NEGR1: variants seen among roughly 807,000 people sequenced by gnomAD.
NEGR1 encodes the protein IgLON family member 4.
NEGR1 carries 10 observed loss-of-function variants against 40.9 expected under a neutral mutation model. That is an observed-to-expected ratio of 0.24 (90% confidence interval 0.15 to 0.42). The LOEUF is 0.42. Among genes scored for constraint, NEGR1 ranks in the 10% least tolerant of loss-of-function variants. The pLI is 1.00. For missense variants in NEGR1, 352 were observed against 438.9 expected, an observed-to-expected ratio of 0.80 and a Z score of 1.77; for synonymous variants, 185 against 166.8, an observed-to-expected ratio of 1.11 and a Z score of -0.84.
intron 4 of NEGR1, among the ~76,000 whole-genome samples, chr1:71,689,809 A>C (rs1406972384): frequency 6.6e-6 from 1 of 150,928 alleles, no homozygotes; most frequent in Non-Finnish European, 1.5e-5. Context: ...AAATAAATTT[A>C]ATATAATAAA....
chr1:72,197,339 A>T (rs1570109505), intron 1 of NEGR1, among the ~76,000 whole-genome samples: 1 of 152,140 alleles, frequency 6.6e-6, no homozygotes, highest in Non-Finnish European at 1.5e-5. Flanking sequence ...AATGGTTGCA[A>T]ATATAGGTTT....
intron 6 of NEGR1, chr1:71,463,517 A>C (rs926255163): frequency 6.6e-6 from 1 of 152,110 alleles, no homozygotes; most frequent in African/African-American, 2.4e-5. Context: ...GAGGTTCCTG[A>C]GTCTAGGGGT....
At chr1:72,117,303 T>G (rs948364322) in intron 1 of NEGR1, among the ~76,000 whole-genome samples, 1 of 151,822 alleles carries the variant, frequency 6.6e-6, no homozygotes, top group Admixed American at 6.6e-5. Flanking sequence ...TTTTGTTTGT[T>G]TGTTTGTTTG....
chr1:72,246,201 T>C (rs1476123715), intron 1 of NEGR1, among the ~76,000 whole-genome samples: 1 of 152,120 alleles, frequency 6.6e-6, no homozygotes, highest in Non-Finnish European at 1.5e-5. Flanking sequence ...TTTCCATCAC[T>C]TTCCTGACTA....
chr1:72,249,869 T>G (rs754159032), intron 1 of NEGR1, among the ~76,000 whole-genome samples: 5 of 152,174 alleles, frequency 3.3e-5, no homozygotes, highest in African/African-American at 4.8e-5. Context: ...ATTTTGCACA[T>G]GACTCATTTT....
At chr1:71,929,336 G>A (rs563126119) in intron 2 of NEGR1, among the ~76,000 whole-genome samples, 35 of 152,168 alleles carry the variant, frequency 2.3e-4, no homozygotes, top group African/African-American at 8.2e-4. Context: ...CACATAACGG[G>A]TTATTAAGCC....
At chr1:71,708,052 A>G (rs756285915) in intron 3 of NEGR1, among the ~76,000 whole-genome samples, 7 of 152,170 alleles carry the variant, frequency 4.6e-5, no homozygotes, top group Admixed American at 6.5e-5. Context: ...AGCCCAGACA[A>G]TGAAGGCTAC....
chr1:71,440,256 G>T (rs1034873729), intron 6 of NEGR1, among the ~76,000 whole-genome samples: 3 of 152,142 alleles, frequency 2.0e-5, no homozygotes, highest in African/African-American at 2.4e-5. Context: ...TATGATGTGA[G>T]AAATACTGAA....
intron 1 of NEGR1, among the ~76,000 whole-genome samples, chr1:71,977,663 G>A (rs1419685356): frequency 1.3e-5 from 2 of 151,272 alleles, no homozygotes; most frequent in Non-Finnish European, 2.9e-5. Flanking sequence ...GAACACACCA[G>A]CTTGCATACT....
intron 4 of NEGR1, among the ~76,000 whole-genome samples, chr1:71,663,050 G>A (rs1282929668): frequency 1.3e-5 from 2 of 151,526 alleles, no homozygotes; most frequent in African/African-American, 4.8e-5. Flanking sequence ...TCCGTCTCCC[G>A]GGTTCATACC....
At position 71,628,658 on chromosome 1, in the gene NEGR1, T is replaced by C. The variant is rs566602397; in HGVS notation, c.668-17512A>G. Among the ~76,000 whole-genome samples, 5 of 151,896 alleles carry C rather than the reference T, an allele frequency of 3.3e-5. No individual in the cohort carries two copies. The South Asian group carries it at 6.3e-4, about 19-fold the overall frequency. ...CAACTCCCACTTATGAGTGAGAACATGTGGTGTTAGGTTTTCTGTTCCTGT... is the reference window on the plus strand; with the variant it reads ...CAACTCCCACTTATGAGTGAGAACACGTGGTGTTAGGTTTTCTGTTCCTGT... On this transcript the variant is annotated intron_variant, in intron 4 of 6. Coordinates refer to ENST00000357731, the MANE Select transcript of NEGR1 (RefSeq NM_173808.3).
At chr1:72,009,320 G>A (rs530395817) in intron 1 of NEGR1, among the ~76,000 whole-genome samples, 5 of 151,984 alleles carry the variant, frequency 3.3e-5, no homozygotes, top group East Asian at 3.9e-4. Context: ...TTCCCTCCAC[G>A]CTTCAGGGAC....
intron 1 of NEGR1, among the ~76,000 whole-genome samples, chr1:71,953,227 C>A (rs1054292346): frequency 6.6e-6 from 1 of 151,940 alleles, no homozygotes; most frequent in African/African-American, 2.4e-5. Context: ...CTAAGTTAAA[C>A]CGCCTGGAAA....
chr1:71,792,248 G>A (rs760134942), intron 2 of NEGR1, among the ~76,000 whole-genome samples: 1 of 152,078 alleles, frequency 6.6e-6, no homozygotes, highest in Non-Finnish European at 1.5e-5. Flanking sequence ...AAAACTCCAT[G>A]GCTGGTTGTA....
chr1:71,528,593 T>G (rs1647270658), intron 6 of NEGR1, among the ~76,000 whole-genome samples: 1 of 151,320 alleles, frequency 6.6e-6, no homozygotes, highest in African/African-American at 2.4e-5. Flanking sequence ...ATGAATCAGA[T>G]AGCATTTATT....
intron 4 of NEGR1, among the ~76,000 whole-genome samples, chr1:71,689,159 T>C (rs1490632345): frequency 1.3e-5 from 2 of 152,164 alleles, no homozygotes; most frequent in Non-Finnish European, 2.9e-5. Flanking sequence ...CAACAATGCG[T>C]AATAGAACGA....
chr1:71,733,677 A>G (rs889591480), intron 3 of NEGR1, among the ~76,000 whole-genome samples: 10 of 152,298 alleles, frequency 6.6e-5, no homozygotes, highest in African/African-American at 2.2e-4. Context: ...TAGAATGAAA[A>G]TGAGAGACCC....
intron 3 of NEGR1, among the ~76,000 whole-genome samples, chr1:71,750,734 G>T (rs777573444): frequency 8.6e-5 from 13 of 152,036 alleles, no homozygotes; most frequent in Non-Finnish European, 1.3e-4. Context: ...ATGAGATTTG[G>T]GTGGGGACAC....
chr1:71,944,279 GC>G (rs1418422334), intron 1 of NEGR1, among the ~76,000 whole-genome samples: 3 of 152,190 alleles, frequency 2.0e-5, no homozygotes, highest in African/African-American at 7.2e-5. Flanking sequence ...CAAAATGCAT[GC>G]AGGAGGTGTT....
Sources: gnomAD v4.1 joint callset for allele counts (sites outside exome capture counted in the v4.1 genomes callset) on GRCh38, gnomAD v4.1.1 for gene constraint, MANE v1.5 for transcripts, NCBI Gene and HGNC (gene_info 2026-07-23, HGNC 2026-07-21) for gene names.